The following TSHZ2 variants were observed in gnomAD, a reference collection of about 807,000 sequenced individuals.
The protein encoded by TSHZ2 is teashirt zinc finger homeobox 2.
In TSHZ2, 21 loss-of-function variants were observed where a neutral mutation model predicts 74.4. That is an observed-to-expected ratio of 0.28 (90% CI 0.20 to 0.41). TSHZ2 has a LOEUF of 0.41. Among genes scored for constraint, TSHZ2 ranks in the 10% least tolerant of loss-of-function variants. TSHZ2 has a pLI of 1.00. For missense variants in TSHZ2, 1,244 were observed against 1,293.5 expected (o/e 0.96, Z 0.59); for synonymous variants, 540 against 515.3 (o/e 1.05, Z -0.65).
chr20:53,392,016 C>T (rs1982276981), intron 2 of TSHZ2, among the ~76,000 whole-genome samples: 1 of 152,108 alleles, frequency 6.6e-6, no homozygotes, highest in Non-Finnish European at 1.5e-5. Context: ...TTTGGCTTTG[C>T]ACATACAAAT....
intron 1 of TSHZ2, among the ~76,000 whole-genome samples, chr20:53,183,177 C>T (rs1013814720): frequency 2.6e-5 from 4 of 152,246 alleles, no homozygotes; most frequent in Admixed American, 2.6e-4. Flanking sequence ...CCAACCCAAC[C>T]ATTCCCACCC....
At chr20:53,204,090 C>A (rs1989079681) in intron 1 of TSHZ2, among the ~76,000 whole-genome samples, 1 of 102,258 alleles carries the variant, frequency 9.8e-6, no homozygotes, top group African/African-American at 3.0e-5. Context: ...TTTATATCAT[C>A]ATATGATGAT....
At chr20:53,440,214 A>C (rs759896414) in intron 2 of TSHZ2, among the ~76,000 whole-genome samples, 3 of 152,204 alleles carry the variant, frequency 2.0e-5, no homozygotes, top group Non-Finnish European at 2.9e-5. Flanking sequence ...TTAATTTAAA[A>C]GGAGAAGCGA....
chr20:53,477,903 C>T (rs1413563108), intron 2 of TSHZ2, among the ~76,000 whole-genome samples: 1 of 151,210 alleles, frequency 6.6e-6, no homozygotes, highest in South Asian at 2.1e-4. Flanking sequence ...CAACAGACAC[C>T]TGAAAAAATG....
At chr20:53,122,162 C>T (rs1986828089) in intron 1 of TSHZ2, among the ~76,000 whole-genome samples, 2 of 151,818 alleles carry the variant, frequency 1.3e-5, no homozygotes. Context: ...ATGGCATGCA[C>T]CTGTGGTCCC....
At chr20:53,469,972 A>C (rs775065757) in intron 2 of TSHZ2, among the ~76,000 whole-genome samples, 82 of 152,170 alleles carry the variant, frequency 5.4e-4, no homozygotes, top group Non-Finnish European at 7.1e-4. Flanking sequence ...ACTGATATAT[A>C]ACTGTTAAAA....
chr20:53,296,645 G>T (rs1398047349), intron 2 of TSHZ2, among the ~76,000 whole-genome samples: 2 of 152,052 alleles, frequency 1.3e-5, no homozygotes, highest in Admixed American at 6.6e-5. Flanking sequence ...GTTCTTCCTT[G>T]GTCTGAGGTC....
At chr20:53,340,365 T>C (rs905884363) in intron 2 of TSHZ2, among the ~76,000 whole-genome samples, 1 of 151,950 alleles carries the variant, frequency 6.6e-6, no homozygotes, top group Non-Finnish European at 1.5e-5. Flanking sequence ...GTATATTTTT[T>C]AGTAGAGACG....
chr20:53,094,310 A>G (rs1338379692), intron 1 of TSHZ2, among the ~76,000 whole-genome samples: 2 of 152,208 alleles, frequency 1.3e-5, no homozygotes, highest in Non-Finnish European at 2.9e-5. Context: ...TTCATTAAAA[A>G]CAATCTTGTA....
intron 2 of TSHZ2, among the ~76,000 whole-genome samples, chr20:53,311,154 G>T (rs528548007): frequency 6.6e-6 from 1 of 152,192 alleles, no homozygotes; most frequent in Non-Finnish European, 1.5e-5. Flanking sequence ...ACTTCTAAAA[G>T]CAGCTCATAA....
intron 1 of TSHZ2, among the ~76,000 whole-genome samples, chr20:53,188,041 G>A (rs1385248261): frequency 2.0e-5 from 3 of 152,136 alleles, no homozygotes; most frequent in Non-Finnish European, 4.4e-5. Flanking sequence ...GAAGGTATTC[G>A]TGGGTTACAA....
chr20:53,268,226 T>G (rs111458842), intron 2 of TSHZ2, among the ~76,000 whole-genome samples: 21 of 152,342 alleles, frequency 1.4e-4, no homozygotes, highest in African/African-American at 4.8e-4. Flanking sequence ...ATATGTTCCA[T>G]GCAGAATACG....
Position 53,271,373 on chromosome 20 carries a change from C to A in TSHZ2, c.*8+14802C>A, listed in dbSNP as rs78662873. Reference sequence around the variant, plus strand: ...ACTGTTATAAAGATAAAATTAAATACAACCCACTAAGCACCTGCCTAGCCC... The same window carrying A: ...ACTGTTATAAAGATAAAATTAAATAAAACCCACTAAGCACCTGCCTAGCCC... On this transcript the variant is annotated intron_variant, in intron 2 of 2. Transcript: ENST00000371497. Among the ~76,000 whole-genome samples, 1,372 of 152,332 alleles carry A rather than the reference C, an allele frequency of 9.0e-3. 28 individuals are homozygous for A. The highest frequency in any genetic ancestry group is 0.032 in the African/African-American group (1,317 of 41,580).
intron 1 of TSHZ2, among the ~76,000 whole-genome samples, chr20:53,111,131 T>A (rs1023761115): frequency 6.6e-6 from 1 of 152,134 alleles, no homozygotes; most frequent in Non-Finnish European, 1.5e-5. Flanking sequence ...AGTTCAGAAA[T>A]CAAAATGATA....
chr20:53,015,513 C>G (rs1223344662), intron 1 of TSHZ2, among the ~76,000 whole-genome samples: 1 of 152,036 alleles, frequency 6.6e-6, no homozygotes, highest in Non-Finnish European at 1.5e-5. Context: ...GATGAGAACC[C>G]CAGGATAGAA....
At chr20:53,121,559 A>G (rs1317425741) in intron 1 of TSHZ2, among the ~76,000 whole-genome samples, 1 of 151,798 alleles carries the variant, frequency 6.6e-6, no homozygotes, top group African/African-American at 2.4e-5. Flanking sequence ...ACTGCTCTCA[A>G]CTCCTGTTTT....
chr20:53,341,511 A>T (rs1326881783), intron 2 of TSHZ2, among the ~76,000 whole-genome samples: 1 of 150,780 alleles, frequency 6.6e-6, no homozygotes, highest in Non-Finnish European at 1.5e-5. Context: ...TTTAATAGAG[A>T]TGGGGTCCTT....
intron 2 of TSHZ2, among the ~76,000 whole-genome samples, chr20:53,302,196 A>G (rs1295032772): frequency 1.3e-5 from 2 of 152,058 alleles, no homozygotes; most frequent in African/African-American, 2.4e-5. Flanking sequence ...CATTTCTTCA[A>G]TTTGTCAACA....
intron 1 of TSHZ2, among the ~76,000 whole-genome samples, chr20:53,168,266 C>T (rs771700275): frequency 3.2e-4 from 48 of 152,308 alleles, no homozygotes; most frequent in Non-Finnish European, 3.5e-4. Flanking sequence ...TCAGATACCA[C>T]TAGCACCTCA....
Sources: gnomAD v4.1 joint callset for allele counts (sites outside exome capture counted in the v4.1 genomes callset) on GRCh38, gnomAD v4.1.1 for gene constraint, MANE v1.5 for transcripts, NCBI Gene and HGNC (gene_info 2026-07-23, HGNC 2026-07-21) for gene names.